Variants in PABIR2 observed in about 807,000 individuals in gnomAD.
The protein encoded by PABIR2 is PABIR family member 2, also known as family with sequence similarity 122B.
In PABIR2, 7 loss-of-function variants were observed where a neutral mutation model predicts 22.8. The observed-to-expected ratio is 0.31, with a 90% CI of 0.17 to 0.58. The LOEUF is 0.58. Among genes scored for constraint, PABIR2 ranks in the 20% least tolerant of loss-of-function variants. The pLI is 0.89. For synonymous variants in PABIR2, 67 were observed against 73.8 expected (o/e 0.91, Z 0.47); for missense variants, 155 against 205.1 (o/e 0.76, Z 1.49).
chrX:134,784,920 A>G, intron 8 of PABIR2, among the ~76,000 whole-genome samples: 1 of 111,977 alleles, frequency 8.9e-6, no homozygotes, highest in Middle Eastern at 4.6e-3. Flanking sequence ...AGAATTGAAT[A>G]TAAGGCAATT....
At chrX:134,780,136 C>A (rs2079118082) in intron 9 of PABIR2, among the ~76,000 whole-genome samples, 1 of 112,787 alleles carries the variant, frequency 8.9e-6, no homozygotes, top group Non-Finnish European at 1.9e-5. Context: ...ACTAGAAGTA[C>A]AGGTTATTTC....
intron 9 of PABIR2, among the ~76,000 whole-genome samples, chrX:134,779,389 G>A (rs963614360): frequency 9.0e-6 from 1 of 111,368 alleles, no homozygotes; most frequent in Non-Finnish European, 1.9e-5. Flanking sequence ...TTGCACTGCT[G>A]CACTCCAGCC....
At chrX:134,784,328 G>A (rs2079244194) in intron 8 of PABIR2, among the ~76,000 whole-genome samples, 1 of 109,136 alleles carries the variant, frequency 9.2e-6, no homozygotes, top group Admixed American at 9.9e-5. Context: ...CAGGCGTGGT[G>A]GTGGTGGGTG....
intron 2 of PABIR2, among the ~76,000 whole-genome samples, chrX:134,791,260 T>A (rs750942108): frequency 9.1e-6 from 1 of 109,849 alleles, no homozygotes; most frequent in Non-Finnish European, 1.9e-5. Flanking sequence ...TGGGGTTAAA[T>A]AAAGCAAAGA....
intron 9 of PABIR2, among the ~76,000 whole-genome samples, chrX:134,778,041 G>A (rs1002784478): frequency 1.3e-4 from 14 of 104,080 alleles, no homozygotes; most frequent in African/African-American, 4.2e-4. Context: ...TTACAGGCAT[G>A]CGCACCATGC....
At chrX:134,776,085 AGT>A (rs35944652) in intron 9 of PABIR2, among the ~76,000 whole-genome samples, 8,818 of 107,743 alleles carry the variant, frequency 0.082, 771 homozygotes, top group African/African-American at 0.25. Flanking sequence ...ACATCTCTAA[AGT>A]GTGTGTGTGT....
rs781704099 is a variant in PABIR2, at chrX:134,772,130, A to G, written c.*9T>C. The G allele has an allele frequency of 1.7e-6, 2 of 1,183,226 alleles. No individual in the cohort carries two copies. ...CAGCAGTTAAAACGTTGAATCAGAA[A>G]TGGTTAAGTCACTTGGGTGAGAGAT... On this transcript the variant is annotated 3_prime_UTR_variant, in exon 10 of 10. Transcript: ENST00000343004.
intron 7 of PABIR2, 107 bp from the exon 8 acceptor site, chrX:134,786,057 G>T: frequency 1.4e-6 from 1 of 713,795 alleles, no homozygotes; most frequent in South Asian, 2.6e-5. Flanking sequence ...TCTTATCAAT[G>T]ACTGAAATGG....
intron 6 of PABIR2, among the ~76,000 whole-genome samples, chrX:134,788,476 TAC>T (rs1470710656): frequency 5.6e-5 from 6 of 106,963 alleles, no homozygotes; most frequent in Non-Finnish European, 1.1e-4. Flanking sequence ...GTGTTATATA[TAC>T]GTTATATATG....
chrX:134,784,609 C>G (rs967245967), intron 8 of PABIR2, among the ~76,000 whole-genome samples: 1 of 109,664 alleles, frequency 9.1e-6, no homozygotes, highest in African/African-American at 3.3e-5. Flanking sequence ...TCCCAAGTAG[C>G]TGTGACAACA....
chrX:134,777,524 C>CAAAA (rs1177263144), intron 9 of PABIR2, among the ~76,000 whole-genome samples: 3 of 29,548 alleles, frequency 1.0e-4, no homozygotes, highest in Non-Finnish European at 1.4e-4. Context: ...GATCTTGTAT[C>CAAAA]AAAAAAAAAA....
chrX:134,775,856 C>T (rs2078962071), intron 9 of PABIR2, among the ~76,000 whole-genome samples: 1 of 112,011 alleles, frequency 8.9e-6, no homozygotes, highest in Non-Finnish European at 1.9e-5. Context: ...ATATATATGG[C>T]ATGTTCTCTG....
intron 8 of PABIR2, among the ~76,000 whole-genome samples, chrX:134,785,133 T>G (rs1001413978): frequency 8.9e-6 from 1 of 112,078 alleles, no homozygotes; most frequent in Non-Finnish European, 1.9e-5. Flanking sequence ...AAAACTGTTA[T>G]GAAGTATAAG....
In PABIR2 at chrX:134,771,301, A is replaced by T; in HGVS notation, c.*838T>A. 1.7e-6 allele frequency: 2 copies of T among 1,153,730 alleles called. No homozygotes were observed. Among genetic ancestry groups the T allele is most frequent in the Non-Finnish European group, 2.3e-6 (2 of 871,570 alleles). On this transcript the variant is annotated 3_prime_UTR_variant, in exon 10 of 10. Coordinates refer to ENST00000343004, the MANE Select transcript of PABIR2 (RefSeq NM_001387468.1). ...TGTAAATAACTATTCATTCATTTGT[A>T]GATGCTCCACACATCTGGTCAAGGC...
In PABIR2 at chrX:134,777,881, G is replaced by T. The variant is rs931234543; in HGVS notation, c.659+3940C>A. On this transcript the variant is annotated intron_variant, in intron 9 of 9. Transcript: ENST00000343004. ...GCAGGATCCAGTTTTTGTTTGTTTGGTTGGTTTTTTTTTTTTTTTTTTTTT... is the reference window on the plus strand; with the variant it reads ...GCAGGATCCAGTTTTTGTTTGTTTGTTTGGTTTTTTTTTTTTTTTTTTTTT... 7.0e-5 allele frequency among the ~76,000 whole-genome samples: 7 copies of T among 100,134 alleles called. No homozygotes were observed. The East Asian group carries it at 1.9e-3, about 27-fold the overall frequency. 87.0% of individuals were successfully genotyped at this position (100,134 alleles called of 115,157 possible). A position where few individuals can be genotyped will look rare whatever the true frequency, so the allele number is the denominator to read the frequency against.
At chrX:134,779,413 G>A (rs1603008868) in intron 9 of PABIR2, among the ~76,000 whole-genome samples, 2 of 111,037 alleles carry the variant, frequency 1.8e-5, no homozygotes, top group Admixed American at 1.9e-4. Context: ...GCGACAGAGC[G>A]AGACTCTGTC....
At chrX:134,782,118 T>G (rs2079173041) in intron 8 of PABIR2, among the ~76,000 whole-genome samples, 1 of 112,224 alleles carries the variant, frequency 8.9e-6, no homozygotes, top group Non-Finnish European at 1.9e-5. Flanking sequence ...CTAAAAAACT[T>G]CTCACTCATT....
In PABIR2 at chrX:134,796,998, C is replaced by G. The variant is rs1449335525; in HGVS notation, c.-793G>C. The G allele has an allele frequency of 1.8e-5, 2 of 113,200 alleles. No individual in the cohort carries two copies. Among genetic ancestry groups the G allele is most frequent in the African/African-American group, 3.2e-5 (1 of 31,047 alleles). The allele number at this position is 113,200 out of a possible 1,213,427, so 9.3% of individuals were successfully genotyped here. A position where few individuals can be genotyped will look rare whatever the true frequency, so the allele number is the denominator to read the frequency against. On this transcript the variant is annotated 5_prime_UTR_variant, in exon 1 of 10. Coordinates refer to ENST00000343004, the MANE Select transcript of PABIR2 (RefSeq NM_001387468.1). ...TCGGTGCTTCTCCCCTCCCTGCCCCCCTCCCGCCTCGAGGACAGGTTGGGG... is the reference window on the plus strand; with the variant it reads ...TCGGTGCTTCTCCCCTCCCTGCCCCGCTCCCGCCTCGAGGACAGGTTGGGG...
intron 9 of PABIR2, among the ~76,000 whole-genome samples, chrX:134,776,670 ACTC>A (rs1221861431): frequency 1.8e-5 from 2 of 112,172 alleles, no homozygotes; most frequent in Non-Finnish European, 3.8e-5. Context: ...CTGGACACAA[ACTC>A]CAAATGGGTC....
Sources: allele counts gnomAD v4.1 joint callset (sites outside exome capture counted in the v4.1 genomes callset), GRCh38; gene constraint gnomAD v4.1.1; transcripts MANE v1.5; gene names NCBI Gene and HGNC (gene_info 2026-07-23, HGNC 2026-07-21).